CALB1: variants seen among roughly 807,000 people sequenced by gnomAD.
CALB1 encodes calbindin 1.
CALB1 carries 16 observed loss-of-function variants against 46.7 expected under a neutral mutation model. The ratio of observed to expected loss-of-function variants is 0.34; its 90% CI spans 0.23 to 0.52. The LOEUF is 0.52. Ranked by LOEUF, CALB1 falls within the 20% of genes least tolerant of loss-of-function variation. The probability of loss-of-function intolerance (pLI) is 0.95; values close to 1 mark genes in which losing one functional copy is unlikely to be tolerated. For missense variants in CALB1, 224 were observed against 300.3 expected (o/e 0.75, Z 1.88); for synonymous variants, 90 against 112.8 (o/e 0.80, Z 1.28).
chr8:90,076,119 A>G (rs763826153), intron 3 of CALB1, among the ~76,000 whole-genome samples: 4 of 152,020 alleles, frequency 2.6e-5, no homozygotes, highest in Non-Finnish European at 1.5e-5. Context: ...GTCTCCCTTT[A>G]AATTATTTCT....
At chr8:90,066,971 T>G (rs1167991071) in intron 5 of CALB1, among the ~76,000 whole-genome samples, 1 of 152,098 alleles carries the variant, frequency 6.6e-6, no homozygotes, top group East Asian at 1.9e-4. Context: ...TGATGCCACT[T>G]TTTTAAAGGA....
chr8:90,062,998 A>G (rs917709279), intron 9 of CALB1, 102 bp downstream of exon 9: 12 of 724,836 alleles, frequency 1.7e-5, no homozygotes, highest in South Asian at 3.6e-5. Context: ...GATTGTCTCT[A>G]TAGTTTGCAG....
chr8:90,068,699 C>T (rs911232164), intron 5 of CALB1, among the ~76,000 whole-genome samples: 1 of 152,130 alleles, frequency 6.6e-6, no homozygotes, highest in Non-Finnish European at 1.5e-5. Context: ...ACTAAAACTA[C>T]AAATTTCAAT....
At chr8:90,073,675 C>T (rs906759754) in intron 3 of CALB1, among the ~76,000 whole-genome samples, 2 of 152,166 alleles carry the variant, frequency 1.3e-5, no homozygotes, top group Non-Finnish European at 2.9e-5. Flanking sequence ...TTATTTCTAG[C>T]GTAATACAGA....
intron 5 of CALB1, among the ~76,000 whole-genome samples, chr8:90,068,466 C>T (rs1814439567): frequency 6.6e-6 from 1 of 152,164 alleles, no homozygotes; most frequent in South Asian, 2.1e-4. Flanking sequence ...GGCAGACAAG[C>T]CTGGATTTGC....
intron 5 of CALB1, among the ~76,000 whole-genome samples, chr8:90,066,577 C>A (rs922254089): frequency 6.6e-6 from 1 of 151,812 alleles, no homozygotes; most frequent in African/African-American, 2.4e-5. Context: ...TTTAAATTAA[C>A]AAAATTGGCC....
chr8:90,062,394 C>T (rs1032423597), intron 9 of CALB1: 2 of 151,754 alleles, frequency 1.3e-5, no homozygotes, highest in Admixed American at 6.6e-5. Context: ...CAACAGAGTG[C>T]AAAAGCAGCC....
In CALB1 at chr8:90,066,571, A is replaced by T. The variant is rs190673300; in HGVS notation, c.373-596T>A. ...TTAAAATGCTTCCACTGACTATTTA[A>T]ATTAACAAAATTGGCCACAGTTGAT... is the stretch of plus-strand genomic sequence containing the variant. On this transcript the variant is annotated intron_variant, in intron 5 of 10. Coordinates refer to ENST00000265431, the MANE Select transcript of CALB1 (RefSeq NM_004929.4). Among the ~76,000 whole-genome samples, 7 of 152,186 alleles carry T rather than the reference A, an allele frequency of 4.6e-5. No homozygotes were observed. In the East Asian group the frequency reaches 1.4e-3, roughly 29 times the overall value.
intron 2 of CALB1, among the ~76,000 whole-genome samples, chr8:90,081,152 GC>G (rs879905602): frequency 4.4e-4 from 67 of 152,220 alleles, no homozygotes; most frequent in Admixed American, 2.7e-3. Context: ...GTTAATTTAT[GC>G]CCAAAGGGAG....
At chr8:90,071,489 C>G (rs575671734) in intron 3 of CALB1, among the ~76,000 whole-genome samples, 1 of 152,224 alleles carries the variant, frequency 6.6e-6, no homozygotes, top group African/African-American at 2.4e-5. Flanking sequence ...AGCCACACCC[C>G]TCCAGTCTTG....
chr8:90,081,849 C>T (rs1814738507), intron 2 of CALB1, among the ~76,000 whole-genome samples, 177 bp downstream of exon 2: 1 of 151,578 alleles, frequency 6.6e-6, no homozygotes. Context: ...AGTCTCTTTC[C>T]CCTTTCCCAT....
At chr8:90,063,748 T>C (rs1430965290) in intron 6 of CALB1, 5 of 299,326 alleles carry the variant, frequency 1.7e-5, no homozygotes, top group African/African-American at 4.4e-5. Flanking sequence ...CATATGTGTA[T>C]CAAGATGTGG....
chr8:90,082,840 G>C lies in CALB1; in HGVS notation c.-143C>G. On this transcript the variant is annotated 5_prime_UTR_variant, in exon 1 of 11. Transcript: ENST00000265431. ...GCGGGCGCTGCCGGGCGCTGTCCTC[G>C]GTGCTGCTCAGCTCAGCGTTCCTCC... 1 of 733,806 alleles carries C rather than the reference G, an allele frequency of 1.4e-6. No individual in the cohort carries two copies. The highest frequency in any genetic ancestry group is 1.5e-5 in the South Asian group (1 of 65,608). 45.5% of individuals were successfully genotyped at this position (733,806 alleles called of 1,614,324 possible).
At position 90,063,148 on chromosome 8, in the gene CALB1, G is replaced by T; in HGVS notation, c.552C>A (p.Ile184=). The T allele has an allele frequency of 1.2e-6, 2 of 1,605,282 alleles. No individual in the cohort carries two copies. The highest frequency in any genetic ancestry group is 2.2e-5 in the South Asian group (2 of 90,652). ...TATTGAACTCTTTCCCACACATTTTGATTCCCTAAAGATAGAGAAGAGAGT... is the reference window on the plus strand; with the variant it reads ...TATTGAACTCTTTCCCACACATTTTTATTCCCTAAAGATAGAGAAGAGAGT... ...QENFLLKFQG[I]KMCGKEFNKA... is the part of the protein sequence containing the mutation. The change falls in exon 9 of 11, where the codon ATC becomes ATA. Residue 184 remains isoleucine, a synonymous_variant. Coordinates refer to ENST00000265431, the MANE Select transcript of CALB1 (RefSeq NM_004929.4).
chr8:90,082,283 C>T, intron 1 of CALB1, 181 bp from the exon 2 acceptor site: 1 of 618,082 alleles, frequency 1.6e-6, no homozygotes. Flanking sequence ...AACTTTAGAT[C>T]CACTGAGGAC....
chr8:90,078,214 A>AT (rs1029084497), intron 3 of CALB1, 159 bp downstream of exon 3: 143 of 470,794 alleles, frequency 3.0e-4, no homozygotes, highest in South Asian at 2.5e-3. Context: ...ATTTGTGAAC[A>AT]TTTTTTAACT....
At chr8:90,063,771 C>T in intron 6 of CALB1, 1 of 244,416 alleles carries the variant, frequency 4.1e-6, no homozygotes, top group Non-Finnish European at 7.8e-6. Context: ...GGGATGGTGT[C>T]TGACAGTTTT....
chr8:90,069,422 C>T (rs528403885), intron 3 of CALB1, among the ~76,000 whole-genome samples, 185 bp from the exon 4 acceptor site: 16 of 152,282 alleles, frequency 1.1e-4, no homozygotes, highest in Admixed American at 2.6e-4. Context: ...GATTCTCCAA[C>T]GCTCGTGTGC....
chr8:90,071,450 G>T (rs567362415), intron 3 of CALB1, among the ~76,000 whole-genome samples: 1 of 152,020 alleles, frequency 6.6e-6, no homozygotes, highest in African/African-American at 2.4e-5. Flanking sequence ...GGGTGGGCTC[G>T]GCATGGAGAG....
Sources: gnomAD v4.1 joint callset for allele counts (sites outside exome capture counted in the v4.1 genomes callset) on GRCh38, gnomAD v4.1.1 for gene constraint, MANE v1.5 for transcripts, NCBI Gene and HGNC (gene_info 2026-07-23, HGNC 2026-07-21) for gene names.